C3: variants seen among roughly 807,000 people sequenced by gnomAD.
C3 encodes the protein complement C3.
A neutral mutation model predicts 207.9 loss-of-function variants in C3; 97 were observed. The observed-to-expected ratio is 0.47, with a 90% CI of 0.40 to 0.55. The LOEUF (loss-of-function observed/expected upper bound fraction) is 0.55, where lower values mean the gene tolerates loss of function less well. C3 is among the 20% of genes least tolerant of loss of function. The pLI is 0.00. For synonymous variants in C3, 848 were observed against 857.6 expected, an observed-to-expected ratio of 0.99 and a Z score of 0.20; for missense variants, 1,684 against 2,171.7, an observed-to-expected ratio of 0.78 and a Z score of 4.46.
intron 14 of C3, among the ~76,000 whole-genome samples, chr19:6,708,964 GAC>G (rs1967847622): frequency 6.6e-6 from 1 of 152,010 alleles, no homozygotes; most frequent in African/African-American, 2.4e-5. Flanking sequence ...TGGGATTCCA[GAC>G]GTGAGCCACC....
intron 17 of C3, among the ~76,000 whole-genome samples, chr19:6,706,432 T>G (rs148173585): frequency 6.6e-6 from 1 of 151,902 alleles, no homozygotes; most frequent in Non-Finnish European, 1.5e-5. Context: ...CAGACAGGAG[T>G]GTCCCCTCCC....
Position 6,712,560 on chromosome 19 carries a change from T to A in C3, c.1067A>T (p.His356Leu). 6.2e-7 allele frequency: 1 copy of A among 1,614,104 alleles called. No homozygotes were observed. The highest frequency in any genetic ancestry group is 8.5e-7 in the Non-Finnish European group (1 of 1,179,980). The change falls in exon 10 of 41, where the codon CAC (histidine) becomes CTC (leucine). Residue 356 changes from histidine (H) to leucine (L), a missense_variant. Transcript: ENST00000245907. ...IPIVTSPYQI[H>L]FTKTPKYFKP... Reference sequence around the variant, plus strand: ...GAAGTACTTGGGTGTCTTGGTGAAGTGGATCTGGTAGGGAGAGGTCACGAT... The same window carrying A: ...GAAGTACTTGGGTGTCTTGGTGAAGAGGATCTGGTAGGGAGAGGTCACGAT...
At chr19:6,710,344 AGAGG>A (rs1280930495) in intron 13 of C3, among the ~76,000 whole-genome samples, 1 of 144,544 alleles carries the variant, frequency 6.9e-6, no homozygotes, top group Non-Finnish European at 1.5e-5. Flanking sequence ...AAGGAGAGAG[AGAGG>A]GAGAGAGAAA....
In C3 at chr19:6,710,865, T is replaced by A; in HGVS notation, c.1480-20A>T. 6.2e-7 allele frequency: 1 copy of A among 1,611,828 alleles called. No homozygotes were observed. Among genetic ancestry groups the A allele is most frequent in the Non-Finnish European group, 8.5e-7 (1 of 1,178,164 alleles). On this transcript the variant is annotated intron_variant, in intron 12 of 40. Coordinates refer to ENST00000245907, the MANE Select transcript of C3 (RefSeq NM_000064.4). Reference sequence around the variant, plus strand: ...CATGATCTGGGGGGACAGGCTGGCATCAGGCTGGGGAGGGTGAGTGGCAGG... The same window carrying A: ...CATGATCTGGGGGGACAGGCTGGCAACAGGCTGGGGAGGGTGAGTGGCAGG...
chr19:6,718,564 G>A (rs1968093353), intron 2 of C3, 152 bp from the exon 3 acceptor site: 1 of 807,320 alleles, frequency 1.2e-6, no homozygotes, highest in Non-Finnish European at 2.0e-6. Context: ...ATGTGAAGGA[G>A]GTGCGAGGGG....
rs552835324 is a variant in C3 at position 6,679,612 on chromosome 19, A to C, written c.4457-116T>G. 1.3e-4 allele frequency: 101 copies of C among 774,866 alleles called. No individual in the cohort carries two copies. In the East Asian group the frequency reaches 1.6e-3, roughly 12 times the overall value. The allele number at this position is 774,866 out of a possible 1,614,324, so 48.0% of individuals were successfully genotyped here. On this transcript the variant is annotated intron_variant, in intron 36 of 40. Transcript: ENST00000245907. ...CAGACCTGGAGATGCTAGGTCTTCA[A>C]CCCCTCAGATCCCTCAGACCCCAAG...
At chr19:6,692,513 C>A (rs1371839801) in intron 26 of C3, among the ~76,000 whole-genome samples, 1 of 152,032 alleles carries the variant, frequency 6.6e-6, no homozygotes, top group Non-Finnish European at 1.5e-5. Context: ...TCTACAAGGT[C>A]TCCAAATAAG....
chr19:6,688,788 T>C (rs1033438684), intron 27 of C3, among the ~76,000 whole-genome samples: 2 of 152,216 alleles, frequency 1.3e-5, no homozygotes, highest in South Asian at 2.1e-4. Context: ...TCCACTCCTT[T>C]TGTAAGAACT....
chr19:6,702,251 C>T (rs974006530), intron 18 of C3, 39 bp from the exon 19 acceptor site: 1 of 1,322,476 alleles, frequency 7.6e-7, no homozygotes, highest in Non-Finnish European at 1.1e-6. Context: ...GAGATGTCAT[C>T]TAGCAGGGTG....
chr19:6,702,590 T>G lies in C3; in HGVS notation c.2246-11A>C, dbSNP rs2145417900. 6.4e-7 allele frequency: 1 copy of G among 1,561,950 alleles called. No individual in the cohort carries two copies. The highest frequency in any genetic ancestry group is 1.7e-4 in the Middle Eastern group (1 of 5,980). ...CCTCATCCAGGTTACCTGCAGGGGGTTTAGATCTGCATTTAGAACAGAGCA... is the reference window on the plus strand; with the variant it reads ...CCTCATCCAGGTTACCTGCAGGGGGGTTAGATCTGCATTTAGAACAGAGCA... On this transcript the variant is annotated splice_polypyrimidine_tract_variant and intron_variant, in intron 17 of 40. Transcript: ENST00000245907.
chr19:6,705,503 C>T lies in C3; in HGVS notation c.2245+1573G>A, dbSNP rs181298111. Among the ~76,000 whole-genome samples, 410 of 150,234 alleles carry T rather than the reference C, an allele frequency of 2.7e-3. 3 individuals carry two copies. Among genetic ancestry groups the T allele is most frequent in the African/African-American group, 9.7e-3 (396 of 40,812 alleles). ...GACTACAGGTGTGCACCCCCACACC[C>T]GGCTAATTATTTTATTTTATTTTTG... On this transcript the variant is annotated intron_variant, in intron 17 of 40. Coordinates refer to ENST00000245907, the MANE Select transcript of C3 (RefSeq NM_000064.4).
chr19:6,692,786 C>T, intron 26 of C3, 138 bp downstream of exon 26: 1 of 1,078,556 alleles, frequency 9.3e-7, no homozygotes, highest in Non-Finnish European at 1.4e-6. Context: ...CATATATCTG[C>T]CTGCCCCCAC....
At chr19:6,709,611 T>TTCCCCCCCCCCC in intron 14 of C3, 73 bp downstream of exon 14, 20 of 1,109,422 alleles carry the variant, frequency 1.8e-5, no homozygotes, top group East Asian at 2.6e-5. Flanking sequence ...CCCTCTCCAG[T>TTCCCCCCCCCCC]CCCACCCACC....
chr19:6,717,525 T>C (rs1356459904), intron 4 of C3: 3 of 239,540 alleles, frequency 1.3e-5, no homozygotes, highest in Non-Finnish European at 2.5e-5. Flanking sequence ...GTGTATGTTG[T>C]GTGGTTGTGT....
chr19:6,712,584 A>T lies in C3; in HGVS notation c.1043T>A (p.Ile348Asn), dbSNP rs770901519. ...MVQAERSGIP[I>N]VTSPYQIHFT... ...GTGGATCTGGTAGGGAGAGGTCACG[A>T]TGGGGATCCCGCTGCGCTCTGCCTG... Residue 348 changes from isoleucine to asparagine, a missense_variant, in exon 10 of 41, where the codon ATC becomes AAC. Coordinates refer to ENST00000245907, the MANE Select transcript of C3 (RefSeq NM_000064.4). The T allele has an allele frequency of 6.2e-7, 1 of 1,614,136 alleles. No homozygotes were observed. Among genetic ancestry groups the T allele is most frequent in the East Asian group, 2.2e-5 (1 of 44,886 alleles).
At chr19:6,699,250 T>TC (rs1468497062) in intron 19 of C3, among the ~76,000 whole-genome samples, 1 of 151,226 alleles carries the variant, frequency 6.6e-6, no homozygotes, top group East Asian at 1.9e-4. Flanking sequence ...TTTCTTTTTT[T>TC]TTTTTGTAGA....
intron 26 of C3, 67 bp downstream of exon 26, chr19:6,692,857 C>G: frequency 1.3e-6 from 2 of 1,573,356 alleles, no homozygotes; most frequent in Non-Finnish European, 1.7e-6. Flanking sequence ...GGGGCTCTCT[C>G]TCGTGTTCAT....
In C3 at chr19:6,686,229, A is replaced by G; in HGVS notation, c.3705T>C (p.Tyr1235=). The change falls in exon 29 of 41, where the codon TAT becomes TAC. Residue 1235 remains tyrosine, a synonymous_variant. Coordinates refer to ENST00000245907, the MANE Select transcript of C3 (RefSeq NM_000064.4). The part of the protein sequence containing the change: ...KQLYNVEATS[Y]ALLALLQLKD... ...TTAGCTGCAGTAGGGCCAAGAGGGC[A>G]TAGGATGTGGCCTCCACGTTGTAGA... 6.2e-7 allele frequency: 1 copy of G among 1,614,224 alleles called. No homozygotes were observed. Among genetic ancestry groups the G allele is most frequent in the African/African-American group, 1.3e-5 (1 of 75,068 alleles).
chr19:6,703,967 A>C, intron 17 of C3, among the ~76,000 whole-genome samples: 1 of 151,952 alleles, frequency 6.6e-6, no homozygotes, highest in East Asian at 1.9e-4. Context: ...ACAAACAAAC[A>C]AAAAACAAAG....
Sources: gnomAD v4.1 joint callset for allele counts (sites outside exome capture counted in the v4.1 genomes callset) on GRCh38, gnomAD v4.1.1 for gene constraint, MANE v1.5 for transcripts, NCBI Gene and HGNC (gene_info 2026-07-23, HGNC 2026-07-21) for gene names.